Variants in SLC24A2 observed in about 807,000 individuals in gnomAD.
The protein encoded by SLC24A2 is sodium/potassium/calcium exchanger 2.
In SLC24A2, 36 loss-of-function variants were observed where a neutral mutation model predicts 62.0. The ratio of observed to expected loss-of-function variants is 0.58; its 90% confidence interval spans 0.44 to 0.77. The LOEUF is 0.77. Ranked by LOEUF, SLC24A2 falls within the 30% of genes least tolerant of loss-of-function variation. The pLI, the probability that SLC24A2 is intolerant of heterozygous loss-of-function variation, is 0.00. For synonymous variants in SLC24A2, 358 were observed against 294.0 expected (o/e 1.22, Z -2.23); for missense variants, 846 against 817.9 (o/e 1.03, Z -0.42).
At chr9:20,128,217 T>C in the SLC24A2 span, among the ~76,000 whole-genome samples, 1 of 152,180 alleles carries the variant, frequency 6.6e-6, no homozygotes, top group Non-Finnish European at 1.5e-5. Flanking sequence ...ATAGTCCACC[T>C]AATTTTTCTT....
chr9:19,583,064 C>A (rs900127666), intron 5 of SLC24A2, among the ~76,000 whole-genome samples: 1 of 152,154 alleles, frequency 6.6e-6, no homozygotes, highest in Non-Finnish European at 1.5e-5. Context: ...TACTTCTCTG[C>A]AAAATCCTGC....
the SLC24A2 span, among the ~76,000 whole-genome samples, chr9:20,238,456 G>A: frequency 3.9e-5 from 6 of 152,176 alleles, no homozygotes; most frequent in Non-Finnish European, 7.4e-5. Flanking sequence ...ACCCCAGATC[G>A]AGGAAAGAAA....
At chr9:19,830,533 A>C in the SLC24A2 span, among the ~76,000 whole-genome samples, 1 of 152,224 alleles carries the variant, frequency 6.6e-6, no homozygotes, top group Non-Finnish European at 1.5e-5. Context: ...TGGACCAACA[A>C]TCATTCATTC....
the SLC24A2 span, among the ~76,000 whole-genome samples, chr9:20,164,012 C>T: frequency 6.6e-6 from 1 of 152,042 alleles, no homozygotes; most frequent in Non-Finnish European, 1.5e-5. Flanking sequence ...CATGTTAGAC[C>T]TAAAACCATA....
chr9:20,146,538 T>C, the SLC24A2 span, among the ~76,000 whole-genome samples: 2,371 of 152,252 alleles, frequency 0.016, 72 homozygotes, highest in African/African-American at 0.053. Context: ...TTGAGAAAGC[T>C]GAGTATAGGG....
the SLC24A2 span, among the ~76,000 whole-genome samples, chr9:20,162,206 T>C: frequency 6.6e-6 from 1 of 151,646 alleles, no homozygotes; most frequent in East Asian, 1.9e-4. Flanking sequence ...TTCACAGCTA[T>C]GTTATTATGC....
the SLC24A2 span, among the ~76,000 whole-genome samples, chr9:19,869,089 C>T: frequency 2.6e-5 from 4 of 152,152 alleles, no homozygotes; most frequent in Non-Finnish European, 2.9e-5. Context: ...TCAAGTGATC[C>T]TCTGGCCTCA....
rs1007222790 is a variant in SLC24A2, at chr9:19,632,842, A to T, written c.931-10543T>A. ...TATGTGCACCTATTTGTGTTTGTGC[A>T]TAGTGTGTATGTAGTTCTATGCAGT... On this transcript the variant is annotated intron_variant, in intron 2 of 10. Transcript: ENST00000341998. This position sits in a 1 kb window ranked among gnomAD's most constrained non-coding sequence, Gnocchi z 4.5. Among the ~76,000 whole-genome samples, 1 of 152,172 alleles carries T rather than the reference A, an allele frequency of 6.6e-6. No individual in the cohort carries two copies. Among genetic ancestry groups the T allele is most frequent in the Non-Finnish European group, 1.5e-5 (1 of 68,028 alleles).
At chr9:19,841,018 T>G in the SLC24A2 span, among the ~76,000 whole-genome samples, 1 of 150,326 alleles carries the variant, frequency 6.7e-6, no homozygotes, top group African/African-American at 2.5e-5. Flanking sequence ...TGGTTTATAG[T>G]TTTTTTTTAT....
intron 7 of SLC24A2, among the ~76,000 whole-genome samples, chr9:19,567,485 G>C (rs1193226340): frequency 6.7e-6 from 1 of 148,446 alleles, no homozygotes; most frequent in African/African-American, 2.5e-5. Flanking sequence ...GGCGGAGCTT[G>C]CAGTGAGCCG....
At chr9:20,264,829 G>A in the SLC24A2 span, among the ~76,000 whole-genome samples, 3 of 152,238 alleles carry the variant, frequency 2.0e-5, no homozygotes, top group Non-Finnish European at 4.4e-5. Context: ...CAACATGCCT[G>A]TAAAACATAG....
At chr9:19,770,766 C>T (rs1169671593) in intron 2 of SLC24A2, among the ~76,000 whole-genome samples, 1 of 152,164 alleles carries the variant, frequency 6.6e-6, no homozygotes, top group African/African-American at 2.4e-5. Flanking sequence ...GTAAGATCCT[C>T]AGAAAGATAT....
chr9:19,790,374 A>G (rs191105965), upstream of SLC24A2, among the ~76,000 whole-genome samples: 26 of 152,182 alleles, frequency 1.7e-4, no homozygotes, highest in Admixed American at 1.5e-3. Flanking sequence ...CCTTTTTCCT[A>G]TGTCATCATT....
the SLC24A2 span, among the ~76,000 whole-genome samples, chr9:20,089,761 C>G: frequency 2.0e-5 from 3 of 147,562 alleles, no homozygotes; most frequent in Admixed American, 7.0e-5. Context: ...TACACCTATG[C>G]TTACGGCACC....
intron 2 of SLC24A2, among the ~76,000 whole-genome samples, chr9:19,646,007 C>G (rs1174331288): frequency 6.6e-6 from 1 of 152,184 alleles, no homozygotes; most frequent in African/African-American, 2.4e-5. Flanking sequence ...AGCTTCTCCA[C>G]TGATAGCTTT....
At chr9:20,122,606 A>C in the SLC24A2 span, among the ~76,000 whole-genome samples, 4 of 152,060 alleles carry the variant, frequency 2.6e-5, no homozygotes, top group African/African-American at 7.2e-5. Flanking sequence ...GAATTGCTTG[A>C]ACCCAGGAAG....
the SLC24A2 span, among the ~76,000 whole-genome samples, chr9:20,150,999 C>T: frequency 0.03 from 4,632 of 151,928 alleles, 220 homozygotes; most frequent in African/African-American, 0.1. Flanking sequence ...CATCCCAAAC[C>T]AGCCAGCTTT....
At chr9:19,814,171 C>G in the SLC24A2 span, among the ~76,000 whole-genome samples, 3 of 152,090 alleles carry the variant, frequency 2.0e-5, no homozygotes, top group African/African-American at 4.8e-5. Context: ...TGTCCAGACT[C>G]TATAATATGG....
the SLC24A2 span, among the ~76,000 whole-genome samples, chr9:20,104,766 C>T: frequency 3.3e-5 from 5 of 152,086 alleles, no homozygotes; most frequent in Admixed American, 6.5e-5. Context: ...TAAAGACCAT[C>T]AAGGCTAGGA....
Sources: allele counts gnomAD v4.1 joint callset (sites outside exome capture counted in the v4.1 genomes callset), GRCh38; gene constraint gnomAD v4.1.1; non-coding constraint Gnocchi (gnomAD v3.1); transcripts MANE v1.5; gene names NCBI Gene and HGNC (gene_info 2026-07-23, HGNC 2026-07-21).